Variants in SHQ1 observed in about 807,000 individuals in gnomAD.
The protein encoded by SHQ1 is SHQ1, H/ACA ribonucleoprotein assembly factor.
SHQ1 carries 49 observed loss-of-function variants against 53.8 expected under a neutral mutation model. The ratio of observed to expected loss-of-function variants is 0.91; its 90% CI spans 0.72 to 1.16. SHQ1 has a LOEUF of 1.16. Among genes scored for constraint, SHQ1 ranks in the 50% most tolerant of loss-of-function variants. The pLI, the probability that SHQ1 is intolerant of heterozygous loss-of-function variation, is 0.00. For missense variants in SHQ1, 738 were observed against 683.1 expected (o/e 1.08, Z -0.90); for synonymous variants, 243 against 251.0 (o/e 0.97, Z 0.30).
the SHQ1 span, among the ~76,000 whole-genome samples, chr3:72,729,603 T>G: frequency 2.0e-5 from 3 of 152,292 alleles, no homozygotes; most frequent in Admixed American, 6.5e-5. Flanking sequence ...TAGGTCCACT[T>G]TGTTCATTAA....
chr3:72,729,499 G>T, the SHQ1 span, among the ~76,000 whole-genome samples: 1 of 151,958 alleles, frequency 6.6e-6, no homozygotes, highest in Non-Finnish European at 1.5e-5. Flanking sequence ...AACACATTGA[G>T]GACCAGGAAA....
chr3:72,832,471 C>T lies in SHQ1; in HGVS notation c.497G>A (p.Ser166Asn). The change falls in exon 5 of 11, where the codon AGT becomes AAT. Residue 166 changes from serine to asparagine, a missense_variant. Coordinates refer to ENST00000325599, the MANE Select transcript of SHQ1 (RefSeq NM_018130.3). The stretch of plus-strand genomic sequence containing the variant: ...TGGATCCTTAATATCAATAACATCA[C>T]TCAGTTCATCCTGAGGACACCCAGA... ...GVLQRLQDELSDVIDIKDPDF... is the reference protein window; with the variant it reads ...GVLQRLQDELNDVIDIKDPDF... 1 of 1,608,628 alleles carries T rather than the reference C, an allele frequency of 6.2e-7. No individual in the cohort carries two copies. The highest frequency in any genetic ancestry group is 1.1e-5 in the South Asian group (1 of 90,170).
chr3:72,780,555 T>C (rs988332046), intron 10 of SHQ1, among the ~76,000 whole-genome samples: 31 of 152,206 alleles, frequency 2.0e-4, no homozygotes, highest in African/African-American at 7.2e-4. Flanking sequence ...TAATACCATA[T>C]GCGAGAAGGT....
chr3:72,812,767 C>A lies in SHQ1; in HGVS notation c.964G>T (p.Val322Leu), dbSNP rs957910250. 1.2e-6 allele frequency: 2 copies of A among 1,613,888 alleles called. No individual in the cohort carries two copies. Among genetic ancestry groups the A allele is most frequent in the Non-Finnish European group, 1.7e-6 (2 of 1,179,980 alleles). The part of the protein sequence containing the change: ...ETWTNVHDIM[V>L]SFGRRVLCYP... ...CACAACACCCTTCTTCCAAAAGACA[C>A]CATGATATCATGAACGTTAGTCCAA... Residue 322 changes from valine (V) to leucine (L), a missense_variant, in exon 9 of 11, where the codon GTG becomes TTG. Coordinates refer to ENST00000325599, the MANE Select transcript of SHQ1 (RefSeq NM_018130.3).
At chr3:72,774,709 G>A (rs544149025) in intron 10 of SHQ1, among the ~76,000 whole-genome samples, 176 of 152,340 alleles carry the variant, frequency 1.2e-3, no homozygotes, top group African/African-American at 4.0e-3. Flanking sequence ...ATGTTAGCAA[G>A]TTACTAACAT....
chr3:72,752,257 T>C (rs1705400709), intron 10 of SHQ1, among the ~76,000 whole-genome samples: 1 of 152,120 alleles, frequency 6.6e-6, no homozygotes, highest in Non-Finnish European at 1.5e-5. Flanking sequence ...AGGAAAGATA[T>C]CAAAACAGAT....
intron 5 of SHQ1, among the ~76,000 whole-genome samples, chr3:72,828,871 A>G (rs986547201): frequency 3.3e-5 from 5 of 152,120 alleles, no homozygotes; most frequent in East Asian, 3.8e-4. Context: ...TAAGCAGAAG[A>G]GCACCAAGGA....
intron 10 of SHQ1, among the ~76,000 whole-genome samples, chr3:72,770,833 T>C (rs767145555): frequency 6.6e-6 from 1 of 152,176 alleles, no homozygotes; most frequent in African/African-American, 2.4e-5. Flanking sequence ...GTGAACTGCA[T>C]ATAGGCAGAT....
At chr3:72,819,163 T>C (rs1283659414) in intron 6 of SHQ1, among the ~76,000 whole-genome samples, 1 of 152,184 alleles carries the variant, frequency 6.6e-6, no homozygotes, top group African/African-American at 2.4e-5. Flanking sequence ...AAACAGTGAC[T>C]TATCATTGTT....
At chr3:72,777,976 A>G (rs1433319337) in intron 10 of SHQ1, among the ~76,000 whole-genome samples, 1 of 152,236 alleles carries the variant, frequency 6.6e-6, no homozygotes, top group Non-Finnish European at 1.5e-5. Context: ...TGATTCCATT[A>G]CATAAAGTCC....
At position 72,840,225 on chromosome 3, in the gene SHQ1, A is replaced by G. The variant is rs1184190936; in HGVS notation, c.486+820T>C. ...CAAGATCGTGCCACTGCACTCCAGCAAAGTGAGACTCTGTCTTAAAAAAAA... is the reference window on the plus strand; with the variant it reads ...CAAGATCGTGCCACTGCACTCCAGCGAAGTGAGACTCTGTCTTAAAAAAAA... On this transcript the variant is annotated intron_variant, in intron 4 of 10. Transcript: ENST00000325599. Among the ~76,000 whole-genome samples the G allele has an allele frequency of 2.8e-4, 36 of 129,066 alleles. 1 individual carries two copies. The highest frequency in any genetic ancestry group is 1.2e-3 in the African/African-American group (36 of 29,424). 84.7% of individuals were successfully genotyped at this position (129,066 alleles called of 152,430 possible). A position where few individuals can be genotyped will look rare whatever the true frequency, so the allele number is the denominator to read the frequency against.
At chr3:72,833,425 A>G (rs1707883139) in intron 4 of SHQ1, among the ~76,000 whole-genome samples, 1 of 151,872 alleles carries the variant, frequency 6.6e-6, no homozygotes, top group Admixed American at 6.6e-5. Context: ...TGGGCGACAG[A>G]GCCAGACTCT....
At chr3:72,824,080 G>A (rs1308822416) in intron 6 of SHQ1, among the ~76,000 whole-genome samples, 2 of 152,118 alleles carry the variant, frequency 1.3e-5, no homozygotes, top group Non-Finnish European at 2.9e-5. Context: ...CCTTACCAAA[G>A]AAGAATGTTC....
intron 9 of SHQ1, among the ~76,000 whole-genome samples, chr3:72,800,869 C>T (rs1489246454): frequency 6.6e-6 from 1 of 152,174 alleles, no homozygotes; most frequent in Non-Finnish European, 1.5e-5. Flanking sequence ...AACTTTATTA[C>T]ATCACTGTAC....
chr3:72,785,079 C>T (rs1706185021), intron 10 of SHQ1, among the ~76,000 whole-genome samples: 1 of 152,244 alleles, frequency 6.6e-6, no homozygotes, highest in South Asian at 2.1e-4. Flanking sequence ...AATCTATCCC[C>T]ACTGAAAGTA....
At chr3:72,744,764 A>G (rs1396012397), downstream of SHQ1, among the ~76,000 whole-genome samples, 1 of 152,216 alleles carries the variant, frequency 6.6e-6, no homozygotes, top group East Asian at 1.9e-4. Context: ...CAAAAATTCC[A>G]TCAGGGATTT....
intron 10 of SHQ1, among the ~76,000 whole-genome samples, chr3:72,758,775 G>A (rs759113315): frequency 6.6e-6 from 1 of 152,006 alleles, no homozygotes; most frequent in Non-Finnish European, 1.5e-5. Flanking sequence ...CACCATGTTG[G>A]CCAGGCTGGT....
chr3:72,785,584 C>G (rs1421421126), intron 10 of SHQ1, among the ~76,000 whole-genome samples: 3 of 152,196 alleles, frequency 2.0e-5, no homozygotes, highest in African/African-American at 7.2e-5. Flanking sequence ...ACAGTAGACC[C>G]TCTTGTTCAA....
At chr3:72,820,041 A>G (rs1707430368) in intron 6 of SHQ1, among the ~76,000 whole-genome samples, 1 of 152,242 alleles carries the variant, frequency 6.6e-6, no homozygotes, top group African/African-American at 2.4e-5. Flanking sequence ...GACTAGAGAA[A>G]AGTCTTTATA....
Sources: allele counts gnomAD v4.1 joint callset (sites outside exome capture counted in the v4.1 genomes callset), GRCh38; gene constraint gnomAD v4.1.1; transcripts MANE v1.5; gene names NCBI Gene and HGNC (gene_info 2026-07-23, HGNC 2026-07-21).